Variants in KNL1 observed in about 807,000 individuals in gnomAD.
KNL1 encodes the protein kinetochore scaffold 1, also known as outer kinetochore KNL1 complex subunit KNL1.
In KNL1, 66 loss-of-function variants were observed where a neutral mutation model predicts 201.3. That is an observed-to-expected ratio of 0.33 (90% CI 0.27 to 0.40). KNL1 has a LOEUF of 0.40. KNL1 is among the 10% of genes least tolerant of loss of function. The pLI, the probability that KNL1 is intolerant of heterozygous loss-of-function variation, is 1.00. For synonymous variants in KNL1, 895 were observed against 899.2 expected, an observed-to-expected ratio of 1.00 and a Z score of 0.08; for missense variants, 2,815 against 2,690.5, an observed-to-expected ratio of 1.05 and a Z score of -1.02.
Position 40,623,440 on chromosome 15 carries a change from C to T in KNL1, c.3176C>T (p.Ser1059Leu). 2 of 1,612,414 alleles carry T rather than the reference C, an allele frequency of 1.2e-6. No homozygotes were observed. The highest frequency in any genetic ancestry group is 1.7e-6 in the Non-Finnish European group (2 of 1,179,548). ...CCTGGATTTCTGAATGAACCTCTAT[C>T]AAGCAAAAGTCAGAGAAGAAAAAGC... ...QSPGFLNEPLSSKSQRRKSLK... is the reference protein window; with the variant it reads ...QSPGFLNEPLLSKSQRRKSLK... The change falls in exon 10 of 26, where the codon TCA (serine) becomes TTA (leucine). Residue 1059 changes from serine to leucine, a missense_variant. This residue lies in a region of KNL1 where 2,464 missense variants were observed against 2,291.7 expected (regional missense o/e 1.08). Coordinates refer to ENST00000399668, the MANE Select transcript of KNL1 (RefSeq NM_144508.5).
rs1226333800 is a variant in KNL1, at chr15:40,621,032, A to G, written c.768A>G (p.Gln256=). The G allele has an allele frequency of 3.7e-6, 6 of 1,607,460 alleles. No homozygotes were observed. The highest frequency in any genetic ancestry group is 4.5e-5 in the East Asian group (2 of 44,838). Residue 256 remains glutamine (Q), a synonymous_variant, in exon 10 of 26, where the codon CAA becomes CAG. Coordinates refer to ENST00000399668, the MANE Select transcript of KNL1 (RefSeq NM_144508.5). ...KEPNSASSTH[Q]MHVSLKEDEN... Reference sequence around the variant, plus strand: ...CGAACAGTGCCTCTTCTACACATCAAATGCATGTATCTCTTAAGGAAGATG... The same window carrying G: ...CGAACAGTGCCTCTTCTACACATCAGATGCATGTATCTCTTAAGGAAGATG...
chr15:40,650,368 T>G lies in KNL1; in HGVS notation c.6162T>G (p.Ala2054=). 1 of 1,612,272 alleles carries G rather than the reference T, an allele frequency of 6.2e-7. No homozygotes were observed. Among genetic ancestry groups the G allele is most frequent in the South Asian group, 1.1e-5 (1 of 90,956 alleles). The part of the protein sequence containing the change: ...PVEEWDSEMR[A]AEKELEQLKT... The stretch of plus-strand genomic sequence containing the variant: ...AAGAATGGGATTCTGAAATGAGAGC[T>G]GCAGAAAAAGGTAATTGAATTAGTT... The change falls in exon 18 of 26, where the codon GCT becomes GCG. Residue 2054 remains alanine, a synonymous_variant. Transcript: ENST00000399668.
chr15:40,646,977 T>C lies in KNL1; in HGVS notation c.6007-10T>C. On this transcript the variant is annotated splice_polypyrimidine_tract_variant and intron_variant, in intron 16 of 25. Transcript: ENST00000399668. The stretch of plus-strand genomic sequence containing the variant: ...GTTTAACTTGACAGTCTATAATCTT[T>C]TGTATTTAGAATGAGAGGGAGAAAC... 8.4e-7 allele frequency: 1 copy of C among 1,188,852 alleles called. No homozygotes were observed. Among genetic ancestry groups the C allele is most frequent in the Non-Finnish European group, 1.3e-6 (1 of 794,318 alleles). The allele number at this position is 1,188,852 out of a possible 1,614,324, so 73.6% of individuals were successfully genotyped here.
chr15:40,602,442 C>T (rs1291276334), intron 1 of KNL1, among the ~76,000 whole-genome samples: 1 of 140,626 alleles, frequency 7.1e-6, no homozygotes, highest in Admixed American at 7.1e-5. Context: ...GGCCAAAATG[C>T]ATCGTTTTAT....
chr15:40,650,298 T>C lies in KNL1; in HGVS notation c.6095-3T>C. The C allele has an allele frequency of 6.3e-7, 1 of 1,586,842 alleles. No individual in the cohort carries two copies. On this transcript the variant is annotated splice_polypyrimidine_tract_variant and splice_region_variant and intron_variant, in intron 17 of 25. Coordinates refer to ENST00000399668, the MANE Select transcript of KNL1 (RefSeq NM_144508.5). Reference sequence around the variant, plus strand: ...TTATTCTAACAAATACTGTCTACTTTAGAAACTAAGAATTTGGAGGATGAA... The same window carrying C: ...TTATTCTAACAAATACTGTCTACTTCAGAAACTAAGAATTTGGAGGATGAA...
intron 21 of KNL1, among the ~76,000 whole-genome samples, chr15:40,652,946 C>G (rs909109317): frequency 2.0e-4 from 31 of 152,042 alleles, no homozygotes; most frequent in African/African-American, 6.5e-4. Context: ...GGTATTTTCT[C>G]TTTAACCAGT....
In KNL1 at chr15:40,628,616, C is replaced by T. The variant is rs768049459; in HGVS notation, c.5521C>T (p.Arg1841Cys). ...AGAATTTGCTTTACTTCTAGCTTACCGCAGTAGTCAAATGGAATCACAGTT... is the reference window on the plus strand; with the variant it reads ...AGAATTTGCTTTACTTCTAGCTTACTGCAGTAGTCAAATGGAATCACAGTT... ...DGTSLDFSTY[R>C]SSQMESQFLR... The change falls in exon 12 of 26, where the codon CGC becomes TGC. Residue 1841 changes from arginine (R) to cysteine (C), a missense_variant. Physicochemically the swap from Arg to Cys is radical, Grantham distance 180 (BLOSUM62 -3). Around this residue, in one of 3 missense-constraint regions of KNL1, gnomAD observed 2,464 missense variants for 2,291.7 expected, o/e 1.08. Transcript: ENST00000399668. 27 of 1,597,362 alleles carry T rather than the reference C, an allele frequency of 1.7e-5. No individual in the cohort carries two copies. Among genetic ancestry groups the T allele is most frequent in the Admixed American group, 6.8e-5 (4 of 59,040 alleles).
rs1280475936 is a variant in KNL1 at position 40,623,665 on chromosome 15, C to T, written c.3401C>T (p.Thr1134Ile). The T allele has an allele frequency of 2.2e-5, 35 of 1,613,724 alleles. No individual in the cohort carries two copies. The highest frequency in any genetic ancestry group is 2.5e-5 in the Non-Finnish European group (30 of 1,179,890). The change falls in exon 10 of 26, where the codon ACT becomes ATT. Residue 1134 changes from threonine to isoleucine, a missense_variant. By Grantham distance (89) the Thr-to-Ile change is moderately conservative. Coordinates refer to ENST00000399668, the MANE Select transcript of KNL1 (RefSeq NM_144508.5). ...DDMEITRSHTTALECKTLLPN... is the reference protein window; with the variant it reads ...DDMEITRSHTIALECKTLLPN... ...ATGGAGATCACTAGGAGTCACACAACTGCCTTAGAATGTAAAACTCTCCTG... is the reference window on the plus strand; with the variant it reads ...ATGGAGATCACTAGGAGTCACACAATTGCCTTAGAATGTAAAACTCTCCTG...
chr15:40,625,079 A>G lies in KNL1; in HGVS notation c.4815A>G (p.Ile1605Met), dbSNP rs753996216. The change falls in exon 10 of 26, where the codon ATA becomes ATG. Residue 1605 changes from isoleucine (I) to methionine (M), a missense_variant. Coordinates refer to ENST00000399668, the MANE Select transcript of KNL1 (RefSeq NM_144508.5). ...NDMHIVQATEIHNINIISSNA... is the reference protein window; with the variant it reads ...NDMHIVQATEMHNINIISSNA... Reference sequence around the variant, plus strand: ...TGCATATAGTGCAAGCTACAGAAATACATAATATTAACATAATCTCCAGCA... The same window carrying G: ...TGCATATAGTGCAAGCTACAGAAATGCATAATATTAACATAATCTCCAGCA... 8.1e-6 allele frequency: 13 copies of G among 1,613,612 alleles called. No individual in the cohort carries two copies. Among genetic ancestry groups the G allele is most frequent in the Non-Finnish European group, 1.0e-5 (12 of 1,179,810 alleles).
At chr15:40,605,637 A>G (rs1187546992) in intron 3 of KNL1, among the ~76,000 whole-genome samples, 1 of 152,074 alleles carries the variant, frequency 6.6e-6, no homozygotes, top group Non-Finnish European at 1.5e-5. Context: ...TTTAGAAGAG[A>G]TGAGGTTTTG....
chr15:40,626,599 A>G (rs1407402662), intron 10 of KNL1, among the ~76,000 whole-genome samples: 1 of 151,902 alleles, frequency 6.6e-6, no homozygotes, highest in Admixed American at 6.6e-5. Context: ...TTTATTTTTG[A>G]GACAGACCCT....
intron 13 of KNL1, among the ~76,000 whole-genome samples, chr15:40,640,246 G>A (rs780732736): frequency 4.0e-5 from 6 of 151,490 alleles, no homozygotes; most frequent in Admixed American, 3.3e-4. Context: ...ACAGGTGTGC[G>A]CCACCATGCC....
intron 21 of KNL1, among the ~76,000 whole-genome samples, chr15:40,654,211 C>G (rs1468329705): frequency 1.3e-5 from 2 of 152,074 alleles, no homozygotes; most frequent in Non-Finnish European, 2.9e-5. Flanking sequence ...TCTCAGCTAC[C>G]TAAAATGTAT....
Position 40,657,395 on chromosome 15 carries a change from T to G in KNL1, c.6635T>G (p.Leu2212Arg). ...TCACTGGTAGTGCACCATTGCAGAC[T>G]CCTTGGAGAGGAGATTGAGTATTTA... is the stretch of plus-strand genomic sequence containing the variant. ...EFSLVVHHCR[L>R]LGEEIEYLKR... The change falls in exon 24 of 26, where the codon CTC becomes CGC. Residue 2212 changes from leucine to arginine, a missense_variant. This residue lies in a region of KNL1 where 334 missense variants were observed against 362.6 expected (regional missense o/e 0.92). Transcript: ENST00000399668. 6.2e-7 allele frequency: 1 copy of G among 1,609,234 alleles called. No homozygotes were observed. Among genetic ancestry groups the G allele is most frequent in the Middle Eastern group, 1.7e-4 (1 of 6,052 alleles).
chr15:40,635,715 C>T (rs896786120), intron 13 of KNL1, among the ~76,000 whole-genome samples: 24 of 152,052 alleles, frequency 1.6e-4, no homozygotes, highest in African/African-American at 5.8e-4. Context: ...CATGTACACA[C>T]CTCCCATATA....
In KNL1 at chr15:40,624,519, A is replaced by G; in HGVS notation, c.4255A>G (p.Lys1419Glu). The G allele has an allele frequency of 6.2e-7, 1 of 1,613,714 alleles. No individual in the cohort carries two copies. Among genetic ancestry groups the G allele is most frequent in the Non-Finnish European group, 8.5e-7 (1 of 1,179,848 alleles). ...GGGGGAGATGACTAAACTTAATTCA[A>G]AGCGAGTATCTTTTAAGCTTCCAAA... ...DLGEMTKLNS[K>E]RVSFKLPKDQ... The change falls in exon 10 of 26, where the codon AAG becomes GAG. Residue 1419 changes from lysine to glutamate, a missense_variant. This residue lies in a region of KNL1 where 2,464 missense variants were observed against 2,291.7 expected (regional missense o/e 1.08). Coordinates refer to ENST00000399668, the MANE Select transcript of KNL1 (RefSeq NM_144508.5).
chr15:40,628,206 G>A lies in KNL1; in HGVS notation c.5513G>A (p.Ser1838Asn), dbSNP rs939758615. The A allele has an allele frequency of 1.3e-6, 2 of 1,588,136 alleles. No individual in the cohort carries two copies. Among genetic ancestry groups the A allele is most frequent in the South Asian group, 2.3e-5 (2 of 85,632 alleles). The part of the protein sequence containing the change: ...IKADGTSLDF[S>N]TYRSSQMESQ... ...GCTGATGGGACCTCTCTGGACTTCA[G>A]CAGTAAGAGCTTCATGAAGGCTAAA... Residue 1838 changes from serine to asparagine, a missense_variant and splice_region_variant, in exon 11 of 26, where the codon AGC becomes AAC. By Grantham distance (46) the Ser-to-Asn change is conservative. Around this residue, in one of 3 missense-constraint regions of KNL1, gnomAD observed 2,464 missense variants for 2,291.7 expected, o/e 1.08. Transcript: ENST00000399668.
At position 40,657,045 on chromosome 15, in the gene KNL1, A is replaced by T. The variant is rs1893754856; in HGVS notation, c.6488A>T (p.Asp2163Val). The T allele has an allele frequency of 6.5e-7, 1 of 1,532,862 alleles. No individual in the cohort carries two copies. 95.0% of individuals were successfully genotyped at this position (1,532,862 alleles called of 1,614,324 possible). ...DVNFQSLLDE[D>V]QAPPSSLLVH... The stretch of plus-strand genomic sequence containing the variant: ...GCTTTTTTTTTTCCTTCCCCAGAGG[A>T]TCAAGCTCCTCCTTCCTCCCTTTTA... The change falls in exon 23 of 26, where the codon GAT (aspartate) becomes GTT (valine). Residue 2163 changes from aspartate (D) to valine (V), a missense_variant. Transcript: ENST00000399668.
chr15:40,619,989 G>A (rs1003517206), intron 9 of KNL1, among the ~76,000 whole-genome samples: 2 of 151,928 alleles, frequency 1.3e-5, no homozygotes, highest in Non-Finnish European at 2.9e-5. Flanking sequence ...GAGTGCAATG[G>A]TGTGATCCTA....
Sources: allele counts gnomAD v4.1 joint callset (sites outside exome capture counted in the v4.1 genomes callset), GRCh38; gene constraint gnomAD v4.1.1; regional missense constraint gnomAD v4.1.1; transcripts MANE v1.5; gene names NCBI Gene and HGNC (gene_info 2026-07-23, HGNC 2026-07-21).